STAG1: variants seen among roughly 807,000 people sequenced by gnomAD.
STAG1 encodes cohesin subunit SA-1.
In STAG1, 26 loss-of-function variants were observed where a neutral mutation model predicts 170.9. That is an observed-to-expected ratio of 0.15 (90% CI 0.11 to 0.21). The LOEUF is 0.21. Among genes scored for constraint, STAG1 ranks in the 10% least tolerant of loss-of-function variants. The pLI, the probability that STAG1 is intolerant of heterozygous loss-of-function variation, is 1.00. For missense variants in STAG1, 964 were observed against 1,509.5 expected (o/e 0.64, Z 5.99); for synonymous variants, 514 against 497.7 (o/e 1.03, Z -0.44).
intron 22 of STAG1, among the ~76,000 whole-genome samples, chr3:136,378,168 G>A (rs72987454): frequency 0.012 from 1,755 of 152,300 alleles, 21 homozygotes; most frequent in African/African-American, 0.041. Flanking sequence ...TCTGCAAAAT[G>A]TCAGGGGAAG....
At chr3:136,476,838 A>G (rs2089763090) in intron 10 of STAG1, among the ~76,000 whole-genome samples, 1 of 152,192 alleles carries the variant, frequency 6.6e-6, no homozygotes, top group Non-Finnish European at 1.5e-5. Flanking sequence ...TTCCTTTTAA[A>G]GTCAGAAGGC....
chr3:136,486,190 G>A (rs1282728894), intron 9 of STAG1, among the ~76,000 whole-genome samples: 1 of 152,184 alleles, frequency 6.6e-6, no homozygotes, highest in East Asian at 1.9e-4. Flanking sequence ...GTAGGACATA[G>A]TCAACAACAT....
chr3:136,551,776 G>A (rs925629361), intron 5 of STAG1, among the ~76,000 whole-genome samples: 1 of 151,754 alleles, frequency 6.6e-6, no homozygotes, highest in African/African-American at 2.4e-5. Flanking sequence ...TTCTATTTTT[G>A]TAGAGACAGG....
chr3:136,652,947 C>T (rs1464263635), intron 1 of STAG1, among the ~76,000 whole-genome samples: 3 of 152,012 alleles, frequency 2.0e-5, no homozygotes, highest in South Asian at 2.1e-4. Flanking sequence ...AAATGTCCCA[C>T]GGAGGAAATA....
intron 4 of STAG1, among the ~76,000 whole-genome samples, chr3:136,596,961 G>C (rs1269216990): frequency 1.3e-5 from 2 of 152,134 alleles, no homozygotes; most frequent in Admixed American, 1.3e-4. Flanking sequence ...TGTAATCCCA[G>C]CTACTTAGGA....
intron 25 of STAG1, among the ~76,000 whole-genome samples, chr3:136,364,279 C>CA (rs1404401235): frequency 1.1e-4 from 16 of 145,008 alleles, no homozygotes; most frequent in Non-Finnish European, 2.4e-4. Flanking sequence ...GACAGGGTTT[C>CA]ACCATGTTGG....
chr3:136,343,296 A>G (rs1361828693), intron 30 of STAG1, among the ~76,000 whole-genome samples: 16 of 152,248 alleles, frequency 1.1e-4, no homozygotes, highest in Admixed American at 9.8e-4. Context: ...CATTTTAATT[A>G]CTAGCATGGA....
chr3:136,622,558 A>G (rs1206013405), intron 3 of STAG1, among the ~76,000 whole-genome samples: 3 of 152,192 alleles, frequency 2.0e-5, no homozygotes, highest in African/African-American at 7.2e-5. Context: ...CCATTAGAAG[A>G]ATTTTCATAA....
chr3:136,525,075 G>C (rs926849149), intron 6 of STAG1, among the ~76,000 whole-genome samples: 2 of 152,116 alleles, frequency 1.3e-5, no homozygotes, highest in African/African-American at 2.4e-5. Flanking sequence ...TTATGTCTCT[G>C]CCAGGCTTTG....
rs574231472 is a variant in STAG1, at chr3:136,748,385, C to G, written c.-84+3810G>C. Among the ~76,000 whole-genome samples, 56 of 151,464 alleles carry G rather than the reference C, an allele frequency of 3.7e-4. No homozygotes were observed. In the South Asian group the frequency reaches 6.7e-3, roughly 18 times the overall value. On this transcript the variant is annotated intron_variant, in intron 1 of 33. Coordinates refer to ENST00000383202, the MANE Select transcript of STAG1 (RefSeq NM_005862.3). ...CATTGCACTCTGGTCGGGGCACACT[C>G]AAAAAATAATAAATTTTTTTTTTTT...
rs1935299760 is a variant in STAG1, at chr3:136,752,197, C to G, written c.-86G>C. 6.5e-6 allele frequency: 1 copy of G among 153,342 alleles called. No individual in the cohort carries two copies. Among genetic ancestry groups the G allele is most frequent in the Non-Finnish European group, 1.5e-5 (1 of 68,256 alleles). 9.5% of individuals were successfully genotyped at this position (153,342 alleles called of 1,614,324 possible). A position where few individuals can be genotyped will look rare whatever the true frequency, so the allele number is the denominator to read the frequency against. ...CCGTCGCCGCCGCCCGCACTCACCT[C>G]AGCTGCCCATCCGGGCGCCGCCGAC... On this transcript the variant is annotated splice_region_variant and 5_prime_UTR_variant, in exon 1 of 34. An upstream open reading frame in the 5' UTR loses its in-frame stop. Transcript: ENST00000383202.
chr3:136,581,518 C>T (rs1020780704), intron 4 of STAG1, among the ~76,000 whole-genome samples: 1 of 152,100 alleles, frequency 6.6e-6, no homozygotes, highest in Non-Finnish European at 1.5e-5. Context: ...TTTCAAATGA[C>T]AAATAATGTA....
intron 24 of STAG1, 67 bp from the exon 25 acceptor site, chr3:136,367,149 CT>C: frequency 3.8e-6 from 5 of 1,311,628 alleles, no homozygotes; most frequent in Non-Finnish European, 5.3e-6. Flanking sequence ...TGCAGATAAT[CT>C]GTATAATTGA....
intron 7 of STAG1, among the ~76,000 whole-genome samples, chr3:136,515,227 T>C (rs1424360561): frequency 6.6e-6 from 1 of 151,966 alleles, no homozygotes; most frequent in Non-Finnish European, 1.5e-5. Flanking sequence ...TAGCTGGGTG[T>C]GGTAGTGCAC....
intron 4 of STAG1, among the ~76,000 whole-genome samples, chr3:136,588,098 A>T (rs914685108): frequency 2.0e-5 from 3 of 152,228 alleles, no homozygotes; most frequent in Non-Finnish European, 4.4e-5. Flanking sequence ...CCCTCATAAA[A>T]ACATTCTTAA....
intron 5 of STAG1, among the ~76,000 whole-genome samples, chr3:136,563,740 G>C (rs1238999629): frequency 1.3e-5 from 2 of 151,956 alleles, no homozygotes; most frequent in Admixed American, 1.3e-4. Flanking sequence ...CCAGAGAAAG[G>C]CCGGGCACGG....
At chr3:136,680,679 CAAGAT>C (rs1441582011) in intron 1 of STAG1, among the ~76,000 whole-genome samples, 10 of 150,908 alleles carry the variant, frequency 6.6e-5, no homozygotes, top group South Asian at 2.1e-4. Context: ...AAATTTTGTC[CAAGAT>C]AAGGATGAAA....
intron 12 of STAG1, among the ~76,000 whole-genome samples, chr3:136,471,756 T>C (rs1421259917): frequency 2.0e-5 from 3 of 152,224 alleles, no homozygotes; most frequent in Non-Finnish European, 4.4e-5. Flanking sequence ...TTTTTTCTTC[T>C]ACTTCTATAT....
chr3:136,713,809 G>T (rs183090921), intron 1 of STAG1, among the ~76,000 whole-genome samples: 1 of 151,930 alleles, frequency 6.6e-6, no homozygotes, highest in Admixed American at 6.6e-5. Flanking sequence ...GATTACCTGA[G>T]GTCAGAAATT....
Sources: allele counts gnomAD v4.1 joint callset (sites outside exome capture counted in the v4.1 genomes callset), GRCh38; gene constraint gnomAD v4.1.1; transcripts MANE v1.5; gene names NCBI Gene and HGNC (gene_info 2026-07-23, HGNC 2026-07-21).